NRG3: variants seen among roughly 807,000 people sequenced by gnomAD.
NRG3 encodes the protein pro-neuregulin-3, membrane-bound isoform.
In NRG3, 31 loss-of-function variants were observed where a neutral mutation model predicts 66.9. The observed-to-expected ratio is 0.46, with a 90% CI of 0.35 to 0.63. The LOEUF is 0.63. Among genes scored for constraint, NRG3 ranks in the 20% least tolerant of loss-of-function variants. NRG3 has a pLI of 0.00. For synonymous variants in NRG3, 393 were observed against 359.4 expected, an observed-to-expected ratio of 1.09 and a Z score of -1.06; for missense variants, 910 against 878.9, an observed-to-expected ratio of 1.04 and a Z score of -0.45.
intron 1 of NRG3, among the ~76,000 whole-genome samples, chr10:82,260,157 T>C (rs2077949602): frequency 6.6e-6 from 1 of 152,196 alleles, no homozygotes; most frequent in African/African-American, 2.4e-5. Flanking sequence ...TACATCTTCA[T>C]AGTCAGGCTA....
intron 1 of NRG3, among the ~76,000 whole-genome samples, chr10:81,947,187 T>G (rs1848922200): frequency 6.6e-6 from 1 of 152,152 alleles, no homozygotes; most frequent in Non-Finnish European, 1.5e-5. Flanking sequence ...GTATCCACCC[T>G]GAGTCTCTTC....
chr10:82,955,554 G>C (rs897366788), intron 5 of NRG3, among the ~76,000 whole-genome samples: 3 of 151,952 alleles, frequency 2.0e-5, no homozygotes, highest in African/African-American at 7.3e-5. Context: ...TCTAAAACTA[G>C]AATTGAAGTA....
At chr10:82,465,335 T>A (rs1385532968) in intron 2 of NRG3, among the ~76,000 whole-genome samples, 3 of 152,176 alleles carry the variant, frequency 2.0e-5, no homozygotes, top group African/African-American at 7.2e-5. Flanking sequence ...AAAAGTTGTC[T>A]AAACGAAGAA....
intron 1 of NRG3, among the ~76,000 whole-genome samples, chr10:82,178,388 C>T (rs571466319): frequency 2.1e-3 from 315 of 152,210 alleles, no homozygotes; most frequent in African/African-American, 7.3e-3. Flanking sequence ...TCGGTTAGCC[C>T]TTTGCCCAGG....
intron 1 of NRG3, among the ~76,000 whole-genome samples, chr10:82,135,343 C>G (rs564426949): frequency 6.6e-6 from 1 of 152,116 alleles, no homozygotes; most frequent in African/African-American, 2.4e-5. Flanking sequence ...ATCTGCTTGG[C>G]ATGCTGTAAC....
At chr10:82,371,911 C>T (rs1024366036) in intron 2 of NRG3, among the ~76,000 whole-genome samples, 1 of 152,130 alleles carries the variant, frequency 6.6e-6, no homozygotes, top group Non-Finnish European at 1.5e-5. Flanking sequence ...GTTAATGAGA[C>T]ATCTGCTCTC....
intron 2 of NRG3, among the ~76,000 whole-genome samples, chr10:82,696,511 C>T (rs887853846): frequency 6.6e-6 from 1 of 152,080 alleles, no homozygotes; most frequent in Non-Finnish European, 1.5e-5. Context: ...AAAATAACTT[C>T]CTCTTTTGCT....
chr10:82,452,060 G>T (rs1473813217), intron 2 of NRG3, among the ~76,000 whole-genome samples: 1 of 152,174 alleles, frequency 6.6e-6, no homozygotes, highest in Non-Finnish European at 1.5e-5. Flanking sequence ...GCCAGACTGT[G>T]AGTGTCCCCA....
chr10:81,941,241 G>A (rs1230527496), intron 1 of NRG3, among the ~76,000 whole-genome samples: 2 of 152,002 alleles, frequency 1.3e-5, no homozygotes, highest in African/African-American at 4.8e-5. Flanking sequence ...ATGGCCTGTG[G>A]GGAGATATTA....
At chr10:82,032,514 A>G (rs893508725) in intron 1 of NRG3, among the ~76,000 whole-genome samples, 3 of 151,974 alleles carry the variant, frequency 2.0e-5, no homozygotes, top group African/African-American at 7.2e-5. Flanking sequence ...AGAGTAGAAA[A>G]TTCTCATTAT....
intron 2 of NRG3, among the ~76,000 whole-genome samples, chr10:82,605,876 A>C (rs977098754): frequency 1.3e-5 from 2 of 152,012 alleles, no homozygotes; most frequent in South Asian, 2.1e-4. Flanking sequence ...TATCTTTCTA[A>C]TATACATGGG....
At chr10:82,293,726 A>C (rs942131999) in intron 1 of NRG3, among the ~76,000 whole-genome samples, 9 of 152,250 alleles carry the variant, frequency 5.9e-5, no homozygotes, top group Admixed American at 5.9e-4. Flanking sequence ...AGTCTTTAGA[A>C]GCTGCCTTAA....
At chr10:82,974,016 G>C in intron 7 of NRG3, 101 bp downstream of exon 7, 4 of 1,340,902 alleles carry the variant, frequency 3.0e-6, no homozygotes, top group African/African-American at 1.4e-5. Context: ...AGAGACAACT[G>C]TTCTTGCTTC....
chr10:82,873,115 G>T (rs935957857), intron 4 of NRG3, among the ~76,000 whole-genome samples: 1 of 151,942 alleles, frequency 6.6e-6, no homozygotes, highest in Non-Finnish European at 1.5e-5. Context: ...TTATATTCCC[G>T]AATTTTTCTT....
chr10:81,919,658 C>G (rs1846063290), intron 1 of NRG3, among the ~76,000 whole-genome samples: 1 of 152,108 alleles, frequency 6.6e-6, no homozygotes, highest in Non-Finnish European at 1.5e-5. Context: ...TGGCAAATGA[C>G]AGGTTCCCCC....
At chr10:82,389,141 A>T (rs1393532371) in intron 2 of NRG3, among the ~76,000 whole-genome samples, 1 of 152,186 alleles carries the variant, frequency 6.6e-6, no homozygotes, top group African/African-American at 2.4e-5. Flanking sequence ...CAGAACCTTC[A>T]TTTAAAGACA....
intron 2 of NRG3, among the ~76,000 whole-genome samples, chr10:82,480,166 A>C (rs1227916100): frequency 6.6e-6 from 1 of 152,246 alleles, no homozygotes; most frequent in Non-Finnish European, 1.5e-5. Flanking sequence ...TAATTAGGAC[A>C]CAAAGTAGAT....
At chr10:82,359,554 T>C (rs991855289) in intron 2 of NRG3, among the ~76,000 whole-genome samples, 1 of 152,274 alleles carries the variant, frequency 6.6e-6, no homozygotes, top group African/African-American at 2.4e-5. Context: ...CAAGGGGGGA[T>C]AAAGAGTGCA....
chr10:82,815,175 A>G (rs1199051122), intron 3 of NRG3, among the ~76,000 whole-genome samples: 3 of 152,198 alleles, frequency 2.0e-5, no homozygotes, highest in Non-Finnish European at 4.4e-5. Flanking sequence ...TTGCTATGGC[A>G]TCCTGATGAA....
Sources: gnomAD v4.1 joint callset for allele counts (sites outside exome capture counted in the v4.1 genomes callset) on GRCh38, gnomAD v4.1.1 for gene constraint, MANE v1.5 for transcripts, NCBI Gene and HGNC (gene_info 2026-07-23, HGNC 2026-07-21) for gene names.